CNTN6: variants seen among roughly 807,000 people sequenced by gnomAD.
CNTN6 encodes contactin-6.
CNTN6 carries 137 observed loss-of-function variants against 122.8 expected under a neutral mutation model. That is an observed-to-expected ratio of 1.12 (90% CI 0.97 to 1.29). CNTN6 has a LOEUF of 1.29. Among genes scored for constraint, CNTN6 ranks in the 50% most tolerant of loss-of-function variants. The pLI, the probability that CNTN6 is intolerant of heterozygous loss-of-function variation, is 0.00. For synonymous variants in CNTN6, 570 were observed against 426.0 expected (o/e 1.34, Z -4.16); for missense variants, 1,634 against 1,223.4 (o/e 1.34, Z -5.01).
At chr3:1,225,038 G>A (rs545682990) in intron 3 of CNTN6, among the ~76,000 whole-genome samples, 111 of 152,228 alleles carry the variant, frequency 7.3e-4, no homozygotes, top group Admixed American at 1.9e-3. Flanking sequence ...GTGAACCACC[G>A]CACCTAGCCC....
At chr3:1,296,022 C>T (rs893384231) in intron 6 of CNTN6, among the ~76,000 whole-genome samples, 3 of 152,156 alleles carry the variant, frequency 2.0e-5, no homozygotes, top group Non-Finnish European at 4.4e-5. Context: ...CATCTCCTTT[C>T]TGGCATTGAA....
intron 4 of CNTN6, among the ~76,000 whole-genome samples, chr3:1,243,469 T>G (rs1173445681): frequency 6.6e-6 from 1 of 152,082 alleles, no homozygotes; most frequent in African/African-American, 2.4e-5. Flanking sequence ...CGGAATTTAA[T>G]TTTTGGAGTT....
chr3:1,195,002 T>C (rs1575186923), intron 2 of CNTN6, among the ~76,000 whole-genome samples: 2 of 152,236 alleles, frequency 1.3e-5, no homozygotes, highest in African/African-American at 2.4e-5. Context: ...ATGCCTTTAA[T>C]AGGCAAATCA....
At chr3:1,273,437 G>T (rs991466396) in intron 4 of CNTN6, among the ~76,000 whole-genome samples, 49 of 152,244 alleles carry the variant, frequency 3.2e-4, no homozygotes, top group African/African-American at 1.1e-3. Context: ...GAAAATATTC[G>T]CTGGATGCTT....
chr3:1,380,206 G>A (rs965117236), intron 17 of CNTN6, among the ~76,000 whole-genome samples: 19 of 152,136 alleles, frequency 1.2e-4, no homozygotes, highest in Non-Finnish European at 2.4e-4. Flanking sequence ...TCTAAGTTCA[G>A]TCACAATCTG....
At chr3:1,264,350 T>G (rs1226959018) in intron 4 of CNTN6, among the ~76,000 whole-genome samples, 1 of 152,180 alleles carries the variant, frequency 6.6e-6, no homozygotes, top group East Asian at 1.9e-4. Flanking sequence ...ACTCTACATT[T>G]AAATTACTGT....
intron 1 of CNTN6, among the ~76,000 whole-genome samples, chr3:1,115,576 C>T (rs573043413): frequency 1.3e-5 from 2 of 152,100 alleles, no homozygotes; most frequent in African/African-American, 4.8e-5. Context: ...GGTGAAATCC[C>T]GTGTCTACTA....
intron 3 of CNTN6, among the ~76,000 whole-genome samples, chr3:1,226,937 A>C (rs1020621414): frequency 6.6e-6 from 1 of 152,194 alleles, no homozygotes; most frequent in Non-Finnish European, 1.5e-5. Flanking sequence ...TGCCCTAGGA[A>C]TGTATCTCAT....
At chr3:1,173,760 T>C (rs2093400929) in intron 2 of CNTN6, among the ~76,000 whole-genome samples, 1 of 147,122 alleles carries the variant, frequency 6.8e-6, no homozygotes, top group African/African-American at 2.5e-5. Context: ...GCCTGTTTCC[T>C]GTATTTTCCT....
At chr3:1,341,666 A>T (rs990093856) in intron 11 of CNTN6, among the ~76,000 whole-genome samples, 1 of 152,196 alleles carries the variant, frequency 6.6e-6, no homozygotes, top group African/African-American at 2.4e-5. Context: ...AGCCACTACA[A>T]AGATCACACT....
At chr3:1,219,842 C>T (rs1303160022) in intron 2 of CNTN6, among the ~76,000 whole-genome samples, 1 of 151,556 alleles carries the variant, frequency 6.6e-6, no homozygotes, top group East Asian at 2.0e-4. Flanking sequence ...TGGTGAAACA[C>T]CATCTCTACA....
At chr3:1,357,857 C>T (rs561924292) in intron 12 of CNTN6, among the ~76,000 whole-genome samples, 38 of 126,788 alleles carry the variant, frequency 3.0e-4, no homozygotes, top group Non-Finnish European at 4.7e-4. Flanking sequence ...CATAAATGCA[C>T]ATTTATGTAA....
chr3:1,153,825 A>G (rs988080081), intron 2 of CNTN6, among the ~76,000 whole-genome samples: 4 of 152,216 alleles, frequency 2.6e-5, no homozygotes, highest in Admixed American at 6.5e-5. Context: ...CAGCAAATCC[A>G]TGAAAATTGG....
chr3:1,393,634 TGTAAGAAACAAACA>T (rs1694565669), intron 20 of CNTN6, among the ~76,000 whole-genome samples: 1 of 150,538 alleles, frequency 6.6e-6, no homozygotes, highest in South Asian at 2.1e-4. Context: ...ATTAGAAATG[TGTAAGAAACAAACA>T]TTAAAAAAAA....
At chr3:1,314,861 A>G (rs1200611927) in intron 7 of CNTN6, among the ~76,000 whole-genome samples, 1 of 152,082 alleles carries the variant, frequency 6.6e-6, no homozygotes. Flanking sequence ...GAAAATAGGA[A>G]CAAAATAAGA....
intron 20 of CNTN6, among the ~76,000 whole-genome samples, chr3:1,396,342 C>T (rs1361172225): frequency 6.6e-6 from 1 of 152,142 alleles, no homozygotes; most frequent in Non-Finnish European, 1.5e-5. Flanking sequence ...AAAATTTCCC[C>T]TTTAATGTAT....
intron 17 of CNTN6, among the ~76,000 whole-genome samples, chr3:1,378,520 C>G (rs1029024703): frequency 2.6e-5 from 4 of 152,070 alleles, no homozygotes; most frequent in Non-Finnish European, 5.9e-5. Context: ...TAGCACAGTG[C>G]TTGGAAAGTG....
At chr3:1,386,491 A>T (rs995798620) in intron 20 of CNTN6, among the ~76,000 whole-genome samples, 2 of 152,140 alleles carry the variant, frequency 1.3e-5, no homozygotes, top group African/African-American at 4.8e-5. Flanking sequence ...TCTTTTGGTG[A>T]TTGTTGCTGC....
chr3:1,304,689 T>A (rs986337420), intron 7 of CNTN6, among the ~76,000 whole-genome samples: 3 of 152,098 alleles, frequency 2.0e-5, no homozygotes, highest in Non-Finnish European at 4.4e-5. Flanking sequence ...AAGTTTTAAT[T>A]TTATATATTA....
Sources: allele counts gnomAD v4.1 joint callset (sites outside exome capture counted in the v4.1 genomes callset), GRCh38; gene constraint gnomAD v4.1.1; transcripts MANE v1.5; gene names NCBI Gene and HGNC (gene_info 2026-07-23, HGNC 2026-07-21).